The following PRUNE2 variants were observed in gnomAD, a reference collection of about 807,000 sequenced individuals.
PRUNE2 encodes the protein protein prune homolog 2.
Under a neutral mutation model 252.0 loss-of-function variants are expected in PRUNE2, and 164 were observed. The observed-to-expected ratio is 0.65, with a 90% CI of 0.57 to 0.74. The LOEUF (loss-of-function observed/expected upper bound fraction) is 0.74, where lower values mean the gene tolerates loss of function less well. Ranked by LOEUF, PRUNE2 falls within the 30% of genes least tolerant of loss-of-function variation. The pLI is 0.00. For synonymous variants in PRUNE2, 1,292 were observed against 1,350.2 expected, an observed-to-expected ratio of 0.96 and a Z score of 0.94; for missense variants, 3,495 against 3,711.0, an observed-to-expected ratio of 0.94 and a Z score of 1.51.
At chr9:76,739,178 G>A (rs905802589) in intron 6 of PRUNE2, 2 of 152,100 alleles carry the variant, frequency 1.3e-5, no homozygotes, top group Non-Finnish European at 2.9e-5. Flanking sequence ...AGTAAAACAG[G>A]ATACTAAGGA....
In PRUNE2 at chr9:76,776,506, T is replaced by C. The variant is rs543221378; in HGVS notation, c.756+47126A>G. Among the ~76,000 whole-genome samples, 810 of 149,068 alleles carry C rather than the reference T, an allele frequency of 5.4e-3. 10 individuals carry two copies. Among genetic ancestry groups the C allele is most frequent in the Middle Eastern group, 0.01 (3 of 292 alleles). The stretch of plus-strand genomic sequence containing the variant: ...ACATTTACACCACATTTTCTTTTTT[T>C]TTTTCTTTTTTCTTTTTTTTTTTTT... On this transcript the variant is annotated intron_variant, in intron 6 of 18. Transcript: ENST00000376718.
rs202155186 is a variant in PRUNE2 at position 76,638,222 on chromosome 9, C to T, written c.8795G>A (p.Arg2932Gln). 7.5e-5 allele frequency: 121 copies of T among 1,613,526 alleles called. No homozygotes were observed. The highest frequency in any genetic ancestry group is 8.4e-5 in the Non-Finnish European group (99 of 1,179,660). Residue 2932 changes from arginine (R) to glutamine (Q), a missense_variant, in exon 13 of 19, where the codon CGG becomes CAG. By Grantham distance (43) the Arg-to-Gln change is conservative. Coordinates refer to ENST00000376718, the MANE Select transcript of PRUNE2 (RefSeq NM_015225.3). ...FAACFLPDSSRADYHYVMENL... is the reference protein window; with the variant it reads ...FAACFLPDSSQADYHYVMENL... ...TTCCATGACATAGTGGTAATCCGCC[C>T]GACTGCTGTCTGGCAGAAAACAGGC... is the stretch of plus-strand genomic sequence containing the variant.
At chr9:76,875,965 G>A (rs919176029) in intron 1 of PRUNE2, among the ~76,000 whole-genome samples, 1 of 152,198 alleles carries the variant, frequency 6.6e-6, no homozygotes, top group Non-Finnish European at 1.5e-5. Context: ...GGTAGATCTG[G>A]AGTGGGGCCC....
Position 76,635,396 on chromosome 9 carries a change from A to G in PRUNE2, c.9050+1075T>C, listed in dbSNP as rs186604693. On this transcript the variant is annotated intron_variant, in intron 15 of 18. Coordinates refer to ENST00000376718, the MANE Select transcript of PRUNE2 (RefSeq NM_015225.3). ...ATTGAAATTTTCCCATCTTAAAATT[A>G]TTAATTAATTTCGTCTAAAAATTCT... Among the ~76,000 whole-genome samples, 1,248 of 152,314 alleles carry G rather than the reference A, an allele frequency of 8.2e-3. 9 individuals are homozygous for G. Among genetic ancestry groups the G allele is most frequent in the Non-Finnish European group, 0.015 (992 of 68,016 alleles).
chr9:76,867,704 G>A (rs1346508086), intron 1 of PRUNE2, among the ~76,000 whole-genome samples: 1 of 152,124 alleles, frequency 6.6e-6, no homozygotes, highest in Non-Finnish European at 1.5e-5. Flanking sequence ...GAGTAGCTGG[G>A]ATTACAGGCG....
At chr9:76,856,078 G>A (rs1355354728) in intron 1 of PRUNE2, among the ~76,000 whole-genome samples, 3 of 152,220 alleles carry the variant, frequency 2.0e-5, no homozygotes, top group East Asian at 3.8e-4. Context: ...AAAGATCTAA[G>A]TAGACATTAC....
intron 1 of PRUNE2, among the ~76,000 whole-genome samples, chr9:76,893,907 C>G (rs1233939364): frequency 1.3e-5 from 2 of 152,280 alleles, no homozygotes; most frequent in African/African-American, 4.8e-5. Context: ...TGATCAGTCA[C>G]AGGGCCACGA....
At chr9:76,690,268 C>A (rs2044568750) in intron 9 of PRUNE2, among the ~76,000 whole-genome samples, 2 of 152,220 alleles carry the variant, frequency 1.3e-5, no homozygotes, top group Admixed American at 6.5e-5. Flanking sequence ...AATTGAGAAA[C>A]CATCCCAGAT....
intron 9 of PRUNE2, among the ~76,000 whole-genome samples, chr9:76,669,621 C>A (rs768026196): frequency 6.6e-6 from 1 of 152,154 alleles, no homozygotes; most frequent in Non-Finnish European, 1.5e-5. Flanking sequence ...TGCCCAGCCT[C>A]GAATGTTGTT....
chr9:76,864,825 C>G (rs1239701108), intron 1 of PRUNE2, among the ~76,000 whole-genome samples: 1 of 152,116 alleles, frequency 6.6e-6, no homozygotes, highest in Non-Finnish European at 1.5e-5. Context: ...AATAAAATGT[C>G]TTCTTTATTT....
chr9:76,811,274 T>C (rs2057340048), intron 6 of PRUNE2, among the ~76,000 whole-genome samples: 1 of 152,220 alleles, frequency 6.6e-6, no homozygotes, highest in African/African-American at 2.4e-5. Context: ...AAGAAAAATG[T>C]AGACAGAATT....
chr9:76,624,497 G>C lies in PRUNE2; in HGVS notation c.9150-7C>G, dbSNP rs1422981716. 2.1e-6 allele frequency: 3 copies of C among 1,416,358 alleles called. No individual in the cohort carries two copies. The highest frequency in any genetic ancestry group is 2.8e-6 in the Non-Finnish European group (3 of 1,080,738). The allele number at this position is 1,416,358 out of a possible 1,614,324, so 87.7% of individuals were successfully genotyped here. A position where few individuals can be genotyped will look rare whatever the true frequency, so the allele number is the denominator to read the frequency against. Reference sequence around the variant, plus strand: ...CCTCAGTTCTTCATCCAGTCTGCAGGAGCAAAAATTATTGGTGTGGAAAAG... The same window carrying C: ...CCTCAGTTCTTCATCCAGTCTGCAGCAGCAAAAATTATTGGTGTGGAAAAG... On this transcript the variant is annotated splice_polypyrimidine_tract_variant and splice_region_variant and intron_variant, in intron 16 of 18. Transcript: ENST00000376718.
In PRUNE2 at chr9:76,653,652, T is replaced by C. The variant is rs144617149; in HGVS notation, c.8357-969A>G. ...GGAATGTACGTTAAGAACTTTGTCA[T>C]GTTCACAGACACTCCCAAAATACTT... On this transcript the variant is annotated intron_variant, in intron 10 of 18. Transcript: ENST00000376718. Among the ~76,000 whole-genome samples, 131 of 152,294 alleles carry C rather than the reference T, an allele frequency of 8.6e-4. No homozygotes were observed. The Middle Eastern group carries it at 0.02, about 24-fold the overall frequency.
chr9:76,807,020 A>ATG (rs1554779764), intron 6 of PRUNE2, among the ~76,000 whole-genome samples: 11,792 of 140,362 alleles, frequency 0.084, 544 homozygotes, highest in African/African-American at 0.12. Flanking sequence ...ACCTCATACA[A>ATG]TGTGTGTGTG....
At chr9:76,769,584 T>A (rs1045463625) in intron 6 of PRUNE2, among the ~76,000 whole-genome samples, 1 of 152,172 alleles carries the variant, frequency 6.6e-6, no homozygotes, top group African/African-American at 2.4e-5. Flanking sequence ...TGCCACCATG[T>A]CCGGCTAATT....
At chr9:76,679,156 T>G (rs976377410) in intron 9 of PRUNE2, among the ~76,000 whole-genome samples, 7 of 152,164 alleles carry the variant, frequency 4.6e-5, no homozygotes, top group African/African-American at 1.4e-4. Flanking sequence ...ACTTAGAAAG[T>G]TGTTGTAAGG....
chr9:76,618,348 G>T (rs543754341), intron 18 of PRUNE2, among the ~76,000 whole-genome samples: 1 of 152,170 alleles, frequency 6.6e-6, no homozygotes, highest in Non-Finnish European at 1.5e-5. Context: ...GAGGTCCAAA[G>T]ACAGCAAAAG....
chr9:76,778,762 A>G (rs542806296), intron 6 of PRUNE2: 12 of 152,236 alleles, frequency 7.9e-5, no homozygotes, highest in Admixed American at 2.6e-4. Context: ...TGCCTAGAAC[A>G]ATGCCCAGAT....
chr9:76,696,007 C>T (rs549069957), intron 9 of PRUNE2, among the ~76,000 whole-genome samples: 18 of 152,182 alleles, frequency 1.2e-4, no homozygotes, highest in African/African-American at 1.9e-4. Context: ...CCCTGTGTGG[C>T]GGGGGGCACT....
Sources: allele counts gnomAD v4.1 joint callset (sites outside exome capture counted in the v4.1 genomes callset), GRCh38; gene constraint gnomAD v4.1.1; transcripts MANE v1.5; gene names NCBI Gene and HGNC (gene_info 2026-07-23, HGNC 2026-07-21).